PHACTR4: variants seen among roughly 807,000 people sequenced by gnomAD.
PHACTR4 encodes the protein protein phosphatase 1, regulatory subunit 124.
Under a neutral mutation model 72.7 loss-of-function variants are expected in PHACTR4, and 51 were observed. The observed-to-expected ratio is 0.70, with a 90% CI of 0.56 to 0.89. The LOEUF is 0.89. PHACTR4 is among the 40% of genes least tolerant of loss of function. The pLI is 0.00. For missense variants in PHACTR4, 731 were observed against 861.8 expected (o/e 0.85, Z 1.90); for synonymous variants, 255 against 302.5 (o/e 0.84, Z 1.63).
At chr1:28,455,049 T>G (rs1392829071) in intron 2 of PHACTR4, among the ~76,000 whole-genome samples, 3 of 151,656 alleles carry the variant, frequency 2.0e-5, no homozygotes, top group Non-Finnish European at 4.4e-5. Flanking sequence ...GTTGTATTTT[T>G]AATAGAGACA....
intron 2 of PHACTR4, among the ~76,000 whole-genome samples, chr1:28,427,896 C>T (rs1189958109): frequency 6.6e-6 from 1 of 152,150 alleles, no homozygotes; most frequent in Non-Finnish European, 1.5e-5. Context: ...TAATCTAATT[C>T]ATTTAACACT....
chr1:28,394,035 G>C (rs1011911079), intron 1 of PHACTR4, among the ~76,000 whole-genome samples: 1 of 151,990 alleles, frequency 6.6e-6, no homozygotes, highest in Non-Finnish European at 1.5e-5. Context: ...AAAGTTAACT[G>C]TAAAACAGCC....
intron 2 of PHACTR4, among the ~76,000 whole-genome samples, chr1:28,419,702 C>T (rs1368779158): frequency 6.6e-6 from 1 of 152,102 alleles, no homozygotes; most frequent in Non-Finnish European, 1.5e-5. Context: ...GAAAATTCAA[C>T]TCTTCTAGTT....
chr1:28,444,366 A>G lies in PHACTR4; in HGVS notation c.17-14719A>G, dbSNP rs371981694. On this transcript the variant is annotated intron_variant, in intron 2 of 13. Coordinates refer to ENST00000373839, the MANE Select transcript of PHACTR4 (RefSeq NM_001048183.3). ...TGCCCCAGCCTCCCGAGTAGCTGGG[A>G]TTACAGGCACGTGCCACCATGACCA... 2.5e-4 allele frequency among the ~76,000 whole-genome samples: 38 copies of G among 150,770 alleles called. 1 individual carries two copies. In the Middle Eastern group the frequency reaches 0.014, roughly 54 times the overall value.
At chr1:28,382,609 G>C (rs923647383) in intron 1 of PHACTR4, among the ~76,000 whole-genome samples, 4 of 151,596 alleles carry the variant, frequency 2.6e-5, no homozygotes, top group African/African-American at 9.7e-5. Flanking sequence ...GGCCTATCAT[G>C]AAATTTTTGC....
intron 2 of PHACTR4, among the ~76,000 whole-genome samples, chr1:28,427,384 G>A (rs1655938134): frequency 6.6e-6 from 1 of 152,092 alleles, no homozygotes; most frequent in Admixed American, 6.6e-5. Context: ...AAATTAGCCA[G>A]GCATGGTGGT....
chr1:28,462,229 G>A (rs542591412), intron 4 of PHACTR4, among the ~76,000 whole-genome samples: 2 of 150,670 alleles, frequency 1.3e-5, no homozygotes, highest in South Asian at 2.1e-4. Flanking sequence ...GACTGGTCTC[G>A]AACTCCTGAC....
Position 28,487,023 on chromosome 1 carries a change from C to T in PHACTR4, c.1761-2147C>T, listed in dbSNP as rs376650472. 4.6e-5 allele frequency among the ~76,000 whole-genome samples: 7 copies of T among 152,012 alleles called. No individual in the cohort carries two copies. In the East Asian group the frequency reaches 1.2e-3, roughly 25 times the overall value. On this transcript the variant is annotated intron_variant, in intron 9 of 13. Transcript: ENST00000373839. ...ACCAAAAATAAAAAAATTAGCCAGC[C>T]CAGTCTCTAAATAAATAAATACATA...
chr1:28,459,313 G>A (rs1447402146), intron 3 of PHACTR4, 55 bp downstream of exon 3: 1 of 1,456,788 alleles, frequency 6.9e-7, no homozygotes, highest in East Asian at 2.5e-5. Context: ...TATGTTAGAT[G>A]TATTTAATTT....
In PHACTR4 at chr1:28,496,809, A is replaced by G; in HGVS notation, c.*260A>G. On this transcript the variant is annotated 3_prime_UTR_variant, in exon 14 of 14. Transcript: ENST00000373839. ...TTGAGGAGTTTTTCCCTTACTGGCC[A>G]CCAAAGTTCTGAACCACTTGCAGGT... 1 of 551,404 alleles carries G rather than the reference A, an allele frequency of 1.8e-6. No homozygotes were observed. The highest frequency in any genetic ancestry group is 3.3e-6 in the Non-Finnish European group (1 of 307,606). The allele number at this position is 551,404 out of a possible 1,614,324, so 34.2% of individuals were successfully genotyped here.
chr1:28,447,905 C>A (rs536394291), intron 2 of PHACTR4, among the ~76,000 whole-genome samples: 3 of 152,148 alleles, frequency 2.0e-5, no homozygotes, highest in Admixed American at 1.3e-4. Context: ...TGTGGGCCTT[C>A]TCTATACAAA....
intron 2 of PHACTR4, among the ~76,000 whole-genome samples, chr1:28,425,213 G>A (rs1477344370): frequency 6.6e-6 from 1 of 152,146 alleles, no homozygotes; most frequent in Non-Finnish European, 1.5e-5. Context: ...CCACCTCCCA[G>A]GGTCAAGCAG....
chr1:28,408,892 C>T (rs1314474732), intron 2 of PHACTR4, among the ~76,000 whole-genome samples: 7 of 146,564 alleles, frequency 4.8e-5, no homozygotes, highest in African/African-American at 5.1e-5. Context: ...GTTGAGCAGG[C>T]GGCTCTGGAA....
intron 2 of PHACTR4, among the ~76,000 whole-genome samples, chr1:28,419,641 T>C (rs1446079668): frequency 6.6e-6 from 1 of 152,102 alleles, no homozygotes; most frequent in Non-Finnish European, 1.5e-5. Flanking sequence ...ATTACCTTGA[T>C]AGGTCAAAAA....
rs1338961853 is a variant in PHACTR4, at chr1:28,440,359, C to T, written c.17-18726C>T. On this transcript the variant is annotated intron_variant, in intron 2 of 13. Coordinates refer to ENST00000373839, the MANE Select transcript of PHACTR4 (RefSeq NM_001048183.3). The stretch of plus-strand genomic sequence containing the variant: ...CTGAGTAACGTTTGGTATTTGTATG[C>T]TTCTGAAAAAAAGTAAGAATCAAAT... 7.8e-5 allele frequency among the ~76,000 whole-genome samples: 10 copies of T among 128,216 alleles called. No individual in the cohort carries two copies. The East Asian group carries it at 2.2e-3, about 28-fold the overall frequency. 84.1% of individuals were successfully genotyped at this position (128,216 alleles called of 152,430 possible).
At chr1:28,418,995 A>G (rs1655307936) in intron 2 of PHACTR4, among the ~76,000 whole-genome samples, 1 of 107,120 alleles carries the variant, frequency 9.3e-6, no homozygotes, top group Non-Finnish European at 1.9e-5. Flanking sequence ...TGACCTTTCT[A>G]TCCATTGGTA....
At chr1:28,399,286 T>G (rs1653769218) in intron 1 of PHACTR4, among the ~76,000 whole-genome samples, 1 of 152,182 alleles carries the variant, frequency 6.6e-6, no homozygotes, top group Non-Finnish European at 1.5e-5. Context: ...CACTCCAGCC[T>G]GGGCGACAGA....
chr1:28,373,725 C>T (rs370673893), intron 1 of PHACTR4, among the ~76,000 whole-genome samples: 2 of 152,290 alleles, frequency 1.3e-5, no homozygotes, highest in Admixed American at 6.5e-5. Context: ...CATGCCCGGC[C>T]TCCCAGTACC....
intron 2 of PHACTR4, chr1:28,453,819 C>G (rs778971453): frequency 8.9e-5 from 79 of 882,910 alleles, no homozygotes; most frequent in Non-Finnish European, 1.4e-4. Flanking sequence ...ATGATGCTGA[C>G]AGAGCACAAA....
Sources: allele counts gnomAD v4.1 joint callset (sites outside exome capture counted in the v4.1 genomes callset), GRCh38; gene constraint gnomAD v4.1.1; transcripts MANE v1.5; gene names NCBI Gene and HGNC (gene_info 2026-07-23, HGNC 2026-07-21).